DYNAP: variants seen among roughly 807,000 people sequenced by gnomAD.
DYNAP encodes dynactin-associated protein.
DYNAP carries 7 observed loss-of-function variants against 8.5 expected under a neutral mutation model. The ratio of observed to expected loss-of-function variants is 0.82; its 90% CI spans 0.47 to 1.54. DYNAP has a LOEUF of 1.54. Ranked by LOEUF, DYNAP falls within the 40% of genes most tolerant of loss-of-function variation. The pLI is 0.01. For synonymous variants in DYNAP, 77 were observed against 77.9 expected (o/e 0.99, Z 0.06); for missense variants, 256 against 224.3 (o/e 1.14, Z -0.90).
At chr18:54,585,424 C>T (rs1394415721), upstream of DYNAP, among the ~76,000 whole-genome samples, 2 of 152,024 alleles carry the variant, frequency 1.3e-5, no homozygotes, top group Non-Finnish European at 2.9e-5. Flanking sequence ...CTAGCTTTTA[C>T]TCTACCTCCA....
chr18:54,578,094 C>G, the DYNAP span, among the ~76,000 whole-genome samples: 2 of 152,200 alleles, frequency 1.3e-5, no homozygotes, highest in African/African-American at 2.4e-5. Flanking sequence ...GGATGCCTCC[C>G]TCAGAGGAGG....
Position 54,597,902 on chromosome 18 carries a change from A to T in DYNAP, c.312A>T (p.Val104=). ...LACVIMTAIG[V]LIICLVNNKG... ...GTGTGATAATGACAGCAATTGGAGT[A>T]CTTATAATATGCTTGGTGAATAACA... Residue 104 remains valine (V), a synonymous_variant, in exon 3 of 3, where the codon GTA becomes GTT. Transcript: ENST00000648945. 1.2e-6 allele frequency: 2 copies of T among 1,613,602 alleles called. No homozygotes were observed. The highest frequency in any genetic ancestry group is 1.7e-6 in the Non-Finnish European group (2 of 1,179,746).
the DYNAP span, among the ~76,000 whole-genome samples, chr18:54,576,201 A>G: frequency 6.6e-6 from 1 of 152,184 alleles, no homozygotes; most frequent in African/African-American, 2.4e-5. Flanking sequence ...AAAGGTGTCT[A>G]AATATTTCTA....
At chr18:54,581,579 A>G in the DYNAP span, among the ~76,000 whole-genome samples, 1 of 152,226 alleles carries the variant, frequency 6.6e-6, no homozygotes, top group African/African-American at 2.4e-5. Context: ...GCTATATCTT[A>G]CTGGTGGGTT....
chr18:54,578,106 A>G, the DYNAP span, among the ~76,000 whole-genome samples: 12 of 152,194 alleles, frequency 7.9e-5, no homozygotes, highest in African/African-American at 2.9e-4. Context: ...CAGAGGAGGT[A>G]TCAGTCCTGG....
intron 2 of DYNAP, among the ~76,000 whole-genome samples, chr18:54,596,304 C>T (rs2144891620): frequency 6.6e-6 from 1 of 152,136 alleles, no homozygotes. Context: ...ACCTCCTGGG[C>T]TCAAGGGATC....
At chr18:54,590,073 C>T (rs1911010787), upstream of DYNAP, among the ~76,000 whole-genome samples, 1 of 152,090 alleles carries the variant, frequency 6.6e-6, no homozygotes, top group Non-Finnish European at 1.5e-5. Context: ...TAAATACATT[C>T]ACAATATTCT....
chr18:54,579,854 T>C, the DYNAP span, among the ~76,000 whole-genome samples: 1 of 152,242 alleles, frequency 6.6e-6, no homozygotes, highest in Non-Finnish European at 1.5e-5. Context: ...TAATTGATCA[T>C]GTTGACCTTT....
At chr18:54,576,803 A>T in the DYNAP span, among the ~76,000 whole-genome samples, 1 of 6,498 alleles carries the variant, frequency 1.5e-4, no homozygotes, top group Non-Finnish European at 2.7e-4. Context: ...ATCTTATCCC[A>T]ACAACAACAA....
chr18:54,585,695 G>A (rs1481222707), upstream of DYNAP, among the ~76,000 whole-genome samples: 2 of 152,082 alleles, frequency 1.3e-5, no homozygotes, highest in Non-Finnish European at 2.9e-5. Context: ...CTGCCTACCT[G>A]CTGCTCCTCA....
At chr18:54,581,008 A>G in the DYNAP span, among the ~76,000 whole-genome samples, 1 of 152,206 alleles carries the variant, frequency 6.6e-6, no homozygotes, top group Non-Finnish European at 1.5e-5. Context: ...TTCATTACCA[A>G]TGTTGTTTTT....
Position 54,597,969 on chromosome 18 carries a change from A to G in DYNAP, c.379A>G (p.Asn127Asp). 6.2e-7 allele frequency: 1 copy of G among 1,613,556 alleles called. No homozygotes were observed. Among genetic ancestry groups the G allele is most frequent in the Non-Finnish European group, 8.5e-7 (1 of 1,179,748 alleles). ...NSSIVIQLST[N>D]DGECVTVKPG... ...CTCCATTGTTATCCAGCTATCCACAAATGATGGAGAGTGTGTGACTGTCAA... is the reference window on the plus strand; with the variant it reads ...CTCCATTGTTATCCAGCTATCCACAGATGATGGAGAGTGTGTGACTGTCAA... The change falls in exon 3 of 3, where the codon AAT (asparagine) becomes GAT (aspartate). Residue 127 changes from asparagine (N) to aspartate (D), a missense_variant. Transcript: ENST00000648945.
chr18:54,583,905 A>G (rs900439856), upstream of DYNAP, among the ~76,000 whole-genome samples: 2 of 151,798 alleles, frequency 1.3e-5, no homozygotes, highest in Admixed American at 1.3e-4. Context: ...ACCTTCCAGT[A>G]TTTACATACA....
chr18:54,589,227 T>A (rs1411818533), upstream of DYNAP, among the ~76,000 whole-genome samples: 6 of 152,038 alleles, frequency 3.9e-5, no homozygotes. Flanking sequence ...CGCCTTAGAG[T>A]GGAAAAAATG....
upstream of DYNAP, among the ~76,000 whole-genome samples, chr18:54,582,910 TTTTTTAACG>T (rs974368563): frequency 3.3e-5 from 5 of 152,184 alleles, no homozygotes; most frequent in African/African-American, 1.2e-4. Context: ...GACCTATATA[TTTTTTAACG>T]TTTTTACAAA....
chr18:54,578,377 T>C, the DYNAP span, among the ~76,000 whole-genome samples: 1 of 152,264 alleles, frequency 6.6e-6, no homozygotes, highest in Non-Finnish European at 1.5e-5. Context: ...CTTCTGACTG[T>C]TAAGGTGGGT....
intron 1 of DYNAP, among the ~76,000 whole-genome samples, chr18:54,594,544 C>T (rs1489821675): frequency 2.0e-5 from 3 of 152,122 alleles, no homozygotes; most frequent in Non-Finnish European, 4.4e-5. Context: ...CATTTCAACT[C>T]TTTTCACTTC....
the DYNAP span, among the ~76,000 whole-genome samples, chr18:54,581,420 G>T: frequency 5.9e-5 from 9 of 152,140 alleles, no homozygotes; most frequent in Non-Finnish European, 1.2e-4. Context: ...TTTTGATATT[G>T]CTTGGGTCTT....
At chr18:54,587,754 T>C, upstream of DYNAP, 1 of 399,124 alleles carries the variant, frequency 2.5e-6, no homozygotes, top group East Asian at 3.6e-5. Flanking sequence ...GGTCTCTCCA[T>C]ATAGGAGGAT....
Sources: allele counts gnomAD v4.1 joint callset (sites outside exome capture counted in the v4.1 genomes callset), GRCh38; gene constraint gnomAD v4.1.1; transcripts MANE v1.5; gene names NCBI Gene and HGNC (gene_info 2026-07-23, HGNC 2026-07-21).